Variants in MIGA2 observed in about 807,000 individuals in gnomAD.
The protein encoded by MIGA2 is mitoguardin 2.
In MIGA2, 36 loss-of-function variants were observed where a neutral mutation model predicts 69.9. That is an observed-to-expected ratio of 0.52 (90% confidence interval 0.39 to 0.68). The LOEUF is 0.68. MIGA2 is among the 30% of genes least tolerant of loss of function. The pLI is 0.00. For missense variants in MIGA2, 660 were observed against 787.7 expected (o/e 0.84, Z 1.94); for synonymous variants, 333 against 349.2 (o/e 0.95, Z 0.52).
At chr9:129,056,295 A>G (rs1257913719) in intron 6 of MIGA2, among the ~76,000 whole-genome samples, 1 of 150,822 alleles carries the variant, frequency 6.6e-6, no homozygotes, top group Non-Finnish European at 1.5e-5. Context: ...AGACACCTGT[A>G]TTCAGTTTGT....
In MIGA2 at chr9:129,068,105, C is replaced by G; in HGVS notation, c.1270-93C>G. On this transcript the variant is annotated intron_variant, in intron 12 of 15. Transcript: ENST00000684074. This position sits in a 1 kb window ranked among gnomAD's most constrained non-coding sequence, Gnocchi z 4.1. ...TGTCCCCCCCACGTGTGCTCATGCC[C>G]TGGACCCCAGCTTCAGTCTCCCCAT... 1.9e-6 allele frequency: 3 copies of G among 1,575,262 alleles called. No individual in the cohort carries two copies. The highest frequency in any genetic ancestry group is 2.6e-6 in the Non-Finnish European group (3 of 1,146,312).
At chr9:129,053,322 C>T (rs1002124615) in intron 6 of MIGA2, among the ~76,000 whole-genome samples, 3 of 152,146 alleles carry the variant, frequency 2.0e-5, no homozygotes, top group Non-Finnish European at 4.4e-5. Context: ...CCAGGCATCA[C>T]CACTTTCTAT....
intron 15 of MIGA2, 38 bp downstream of exon 15, chr9:129,070,003 G>C (rs752790283): frequency 6.6e-7 from 1 of 1,508,402 alleles, no homozygotes. Context: ...CCTGACCCTT[G>C]CCCTGAGCAC....
At position 129,069,472 on chromosome 9, in the gene MIGA2, C is replaced by T. The variant is rs112203475; in HGVS notation, c.1458+343C>T. 1.8e-5 allele frequency: 9 copies of T among 510,078 alleles called. No individual in the cohort carries two copies. The highest frequency in any genetic ancestry group is 3.5e-5 in the East Asian group (1 of 28,480). 31.6% of individuals were successfully genotyped at this position (510,078 alleles called of 1,614,324 possible). A position where few individuals can be genotyped will look rare whatever the true frequency, so the allele number is the denominator to read the frequency against. ...AGCCCTGTCCCTCCTGCCCTTTCCC[C>T]GCCCCAGTCAGGCCCCTGTAATCTC... On this transcript the variant is annotated intron_variant, in intron 14 of 15. Transcript: ENST00000684074. This position sits in a 1 kb window ranked among gnomAD's most constrained non-coding sequence, Gnocchi z 4.9.
chr9:129,039,175 TTGTGTGTGTGTGTGTGTGTGTGTG>T (rs61426484), intron 1 of MIGA2, among the ~76,000 whole-genome samples: 7 of 139,904 alleles, frequency 5.0e-5, no homozygotes, highest in Admixed American at 7.2e-5. Context: ...AGCTCTTTGT[TTGTGTGTGTGTGTGTGTGTGTGTG>T]TGTGTGTGTG....
intron 3 of MIGA2, among the ~76,000 whole-genome samples, chr9:129,045,905 G>A (rs1036656559): frequency 6.6e-6 from 1 of 151,186 alleles, no homozygotes; most frequent in Non-Finnish European, 1.5e-5. Flanking sequence ...CCAGGCTGGA[G>A]TGCAGTGGTG....
rs1369431111 is a variant in MIGA2, at chr9:129,040,540, G to T, written c.-55G>T. 2 of 1,568,536 alleles carry T rather than the reference G, an allele frequency of 1.3e-6. No homozygotes were observed. The highest frequency in any genetic ancestry group is 1.3e-5 in the African/African-American group (1 of 74,194). On this transcript the variant is annotated 5_prime_UTR_variant, in exon 2 of 16. Coordinates refer to ENST00000684074, the MANE Select transcript of MIGA2 (RefSeq NM_001329990.2). ...ACCCAGCTGGCAACCAGTTGAAGAC[G>T]TTCTCCTTGGAAGCTCTTGGCCCTG...
Position 129,068,749 on chromosome 9 carries a change from C to T in MIGA2, c.1405-327C>T. 2.3e-6 allele frequency: 1 copy of T among 440,484 alleles called. No homozygotes were observed. Among genetic ancestry groups the T allele is most frequent in the Non-Finnish European group, 4.2e-6 (1 of 240,932 alleles). 27.3% of individuals were successfully genotyped at this position (440,484 alleles called of 1,614,324 possible). ...GCAGCCGGGCTGTGCTGCCTGGGCC[C>T]AGGCTTCTGCGAGGTGGTTTACAGG... On this transcript the variant is annotated intron_variant, in intron 13 of 15. Transcript: ENST00000684074. The surrounding 1 kb of genome is among the most constrained non-coding windows in gnomAD (Gnocchi z 4.1).
chr9:129,043,824 C>T (rs1287285362), intron 3 of MIGA2, among the ~76,000 whole-genome samples: 6 of 151,828 alleles, frequency 4.0e-5, no homozygotes, highest in African/African-American at 1.2e-4. Context: ...CCTCAGCCTC[C>T]GGAGTAGCTG....
chr9:129,044,604 G>C lies in MIGA2; in HGVS notation c.307+2090G>C, dbSNP rs2131346739. 2.0e-5 allele frequency among the ~76,000 whole-genome samples: 3 copies of C among 152,180 alleles called. No homozygotes were observed. The Middle Eastern group carries it at 0.01, about 518-fold the overall frequency. Reference sequence around the variant, plus strand: ...GTCTCACTCTGTCACCCAGGCTGGAGTGCAATGGCACAGTCTCGGCTCACT... The same window carrying C: ...GTCTCACTCTGTCACCCAGGCTGGACTGCAATGGCACAGTCTCGGCTCACT... On this transcript the variant is annotated intron_variant, in intron 3 of 15. Transcript: ENST00000684074.
chr9:129,056,889 C>T (rs1249814103), intron 6 of MIGA2, among the ~76,000 whole-genome samples: 1 of 151,976 alleles, frequency 6.6e-6, no homozygotes, highest in African/African-American at 2.4e-5. Flanking sequence ...CAAAAATTAG[C>T]CGGGTGTGGC....
chr9:129,069,055 G>A lies in MIGA2; in HGVS notation c.1405-21G>A. The stretch of plus-strand genomic sequence containing the variant: ...GCTAGGCCCATTTTGACACCCGGGG[G>A]ACATCCTATTTTTGATGTAGGCCTT... On this transcript the variant is annotated intron_variant, in intron 13 of 15. Transcript: ENST00000684074. The surrounding 1 kb of genome is among the most constrained non-coding windows in gnomAD (Gnocchi z 4.9). 1 of 1,613,826 alleles carries A rather than the reference G, an allele frequency of 6.2e-7. No homozygotes were observed. The highest frequency in any genetic ancestry group is 8.5e-7 in the Non-Finnish European group (1 of 1,179,854).
chr9:129,070,630 A>G lies in MIGA2; in HGVS notation c.*177A>G, dbSNP rs1046350313. On this transcript the variant is annotated 3_prime_UTR_variant, in exon 16 of 16. Transcript: ENST00000684074. ...ATGGAGAAGAACGGTTCCTGGGGGA[A>G]GCAGAGGCCAGGACCAGTGGGGCCT... 1.2e-5 allele frequency: 8 copies of G among 675,042 alleles called. No individual in the cohort carries two copies. In the African/African-American group the frequency reaches 1.3e-4, roughly 11 times the overall value. 41.8% of individuals were successfully genotyped at this position (675,042 alleles called of 1,614,324 possible).
At chr9:129,053,947 G>A (rs532045421) in intron 6 of MIGA2, among the ~76,000 whole-genome samples, 9 of 152,280 alleles carry the variant, frequency 5.9e-5, no homozygotes, top group Admixed American at 4.6e-4. Flanking sequence ...GGAGGCTGAG[G>A]TGGGAGGATC....
At chr9:129,067,535 C>A in intron 11 of MIGA2, 1 of 537,982 alleles carries the variant, frequency 1.9e-6, no homozygotes, top group South Asian at 2.3e-5. Context: ...TCACACTGGG[C>A]ACTCCTGGAA....
intron 2 of MIGA2, among the ~76,000 whole-genome samples, chr9:129,041,226 T>C (rs905929194): frequency 6.6e-6 from 1 of 152,146 alleles, no homozygotes; most frequent in African/African-American, 2.4e-5. Flanking sequence ...TCCCAGCTAC[T>C]TGGGAGGCTG....
At chr9:129,064,258 G>A (rs1443378608) in intron 11 of MIGA2, among the ~76,000 whole-genome samples, 8 of 151,690 alleles carry the variant, frequency 5.3e-5, no homozygotes, top group Admixed American at 5.3e-4. Context: ...CCAGGCTGGA[G>A]TGCAGTGGCA....
intron 11 of MIGA2, among the ~76,000 whole-genome samples, chr9:129,065,208 G>A (rs1459985023): frequency 1.3e-5 from 2 of 151,996 alleles, no homozygotes; most frequent in African/African-American, 4.8e-5. Context: ...GCTGAGATGG[G>A]AGGATTGCTT....
intron 11 of MIGA2, 94 bp from the exon 12 acceptor site, chr9:129,067,679 C>T (rs1846432882): frequency 1.0e-5 from 12 of 1,152,956 alleles, no homozygotes; most frequent in Non-Finnish European, 1.5e-5. Context: ...GGGGATGGGC[C>T]CCAGCCGTGC....
Sources: allele counts gnomAD v4.1 joint callset (sites outside exome capture counted in the v4.1 genomes callset), GRCh38; gene constraint gnomAD v4.1.1; non-coding constraint Gnocchi (gnomAD v3.1); transcripts MANE v1.5; gene names NCBI Gene and HGNC (gene_info 2026-07-23, HGNC 2026-07-21).